The following ARHGAP26 variants were observed in gnomAD, a reference collection of about 807,000 sequenced individuals.
ARHGAP26 encodes the protein rho GTPase-activating protein 26.
Under a neutral mutation model 104.8 loss-of-function variants are expected in ARHGAP26, and 38 were observed. That is an observed-to-expected ratio of 0.36 (90% CI 0.28 to 0.48). The LOEUF (loss-of-function observed/expected upper bound fraction) is 0.48, where lower values mean the gene tolerates loss of function less well. ARHGAP26 is among the 20% of genes least tolerant of loss of function. ARHGAP26 has a pLI of 0.99. For missense variants in ARHGAP26, 704 were observed against 947.9 expected (o/e 0.74, Z 3.38); for synonymous variants, 341 against 340.0 (o/e 1.00, Z -0.03).
In ARHGAP26 at chr5:142,918,389, C is replaced by T. The variant is rs186622750; in HGVS notation, c.1028+5096C>T. On this transcript the variant is annotated intron_variant, in intron 10 of 22. Coordinates refer to ENST00000645722, the MANE Select transcript of ARHGAP26 (RefSeq NM_001135608.3). Reference sequence around the variant, plus strand: ...ATCAATCTCCTGACCTCAGGTGATCCGCCTGCCTCGGCCTCCCGAAGTGCT... The same window carrying T: ...ATCAATCTCCTGACCTCAGGTGATCTGCCTGCCTCGGCCTCCCGAAGTGCT... 4.9e-3 allele frequency among the ~76,000 whole-genome samples: 753 copies of T among 152,304 alleles called. 12 individuals carry two copies. Among genetic ancestry groups the T allele is most frequent in the African/African-American group, 0.016 (684 of 41,558 alleles).
chr5:142,993,290 C>T (rs1289179261), intron 11 of ARHGAP26, among the ~76,000 whole-genome samples: 2 of 151,856 alleles, frequency 1.3e-5, no homozygotes, highest in African/African-American at 4.8e-5. Flanking sequence ...CTGCCTCAGC[C>T]TCCCGAGTAG....
At chr5:143,124,596 G>A (rs1206488046) in intron 18 of ARHGAP26, among the ~76,000 whole-genome samples, 1 of 152,188 alleles carries the variant, frequency 6.6e-6, no homozygotes, top group African/African-American at 2.4e-5. Flanking sequence ...CTTTCCAGGT[G>A]CTGTCCCATC....
At chr5:142,986,056 G>C (rs1323287717) in intron 11 of ARHGAP26, among the ~76,000 whole-genome samples, 1 of 152,162 alleles carries the variant, frequency 6.6e-6, no homozygotes, top group Non-Finnish European at 1.5e-5. Flanking sequence ...GGTATTTCTA[G>C]TTCTAGATCC....
chr5:142,991,543 C>G (rs1285446735), intron 11 of ARHGAP26, among the ~76,000 whole-genome samples: 1 of 152,202 alleles, frequency 6.6e-6, no homozygotes, highest in Non-Finnish European at 1.5e-5. Flanking sequence ...GCGTCACTCA[C>G]ACTGGGAGCT....
At chr5:142,948,827 G>A (rs890693055) in intron 11 of ARHGAP26, among the ~76,000 whole-genome samples, 5 of 151,880 alleles carry the variant, frequency 3.3e-5, no homozygotes, top group African/African-American at 9.7e-5. Context: ...TAAACAGGTC[G>A]GGTACGGTGA....
intron 17 of ARHGAP26, among the ~76,000 whole-genome samples, chr5:143,071,777 G>A (rs556206204): frequency 9.9e-5 from 15 of 151,978 alleles, no homozygotes; most frequent in South Asian, 2.1e-4. Flanking sequence ...GGTGGCATGC[G>A]CCTGTAATCC....
intron 20 of ARHGAP26, among the ~76,000 whole-genome samples, chr5:143,182,430 A>G (rs1220737057): frequency 5.9e-5 from 9 of 152,194 alleles, no homozygotes; most frequent in Non-Finnish European, 1.3e-4. Context: ...ACTAAGCTCC[A>G]TGAGAGTAAG....
intron 11 of ARHGAP26, among the ~76,000 whole-genome samples, chr5:143,001,396 A>T (rs1777173194): frequency 6.6e-6 from 1 of 152,250 alleles, no homozygotes; most frequent in Non-Finnish European, 1.5e-5. Context: ...AAAAGTGCTG[A>T]TATCTGCAAC....
intron 1 of ARHGAP26, among the ~76,000 whole-genome samples, chr5:142,827,138 A>AT (rs1283598128): frequency 6.8e-6 from 1 of 146,134 alleles, no homozygotes. Flanking sequence ...TTTCTACCCT[A>AT]TTTTTTTTCT....
intron 11 of ARHGAP26, among the ~76,000 whole-genome samples, chr5:142,950,947 C>T (rs929337407): frequency 2.7e-5 from 4 of 150,600 alleles, no homozygotes; most frequent in African/African-American, 4.9e-5. Flanking sequence ...AGAATAAGAC[C>T]TTTCCCTTTC....
At chr5:143,028,051 A>G (rs1248913570) in intron 12 of ARHGAP26, among the ~76,000 whole-genome samples, 1 of 152,220 alleles carries the variant, frequency 6.6e-6, no homozygotes, top group Non-Finnish European at 1.5e-5. Context: ...GAAGAGGATG[A>G]GCCCAAGAGT....
Position 143,012,548 on chromosome 5 carries a change from C to CATATATACATATATATATATATAT in ARHGAP26, c.1108-1529_1108-1528insTATACATATATATATATATATATA, listed in dbSNP as rs1414408846. Among the ~76,000 whole-genome samples, 3 of 23,352 alleles carry CATATATACATATATATATATATAT rather than the reference C, an allele frequency of 1.3e-4. 1 individual carries two copies. The highest frequency in any genetic ancestry group is 3.2e-4 in the Non-Finnish European group (3 of 9,422). 15.3% of individuals were successfully genotyped at this position (23,352 alleles called of 152,430 possible). A position where few individuals can be genotyped will look rare whatever the true frequency, so the allele number is the denominator to read the frequency against. On this transcript the variant is annotated intron_variant, in intron 11 of 22. Transcript: ENST00000645722. ...CTGGAGGGATATATTTATATACATACATACATATATATATATATATATATA... is the reference window on the plus strand; with the variant it reads ...CTGGAGGGATATATTTATATACATACATATATACATATATATATATATATATACATATATATATATATATATATA...
chr5:142,801,105 T>C (rs1471550983), intron 1 of ARHGAP26, among the ~76,000 whole-genome samples: 2 of 152,210 alleles, frequency 1.3e-5, no homozygotes, highest in Non-Finnish European at 2.9e-5. Context: ...TATGTGGTTT[T>C]AGTTGGTTGG....
rs1488708512 is a variant in ARHGAP26 at position 142,770,896 on chromosome 5, A to G, written c.135A>G (p.Ser45=). The G allele has an allele frequency of 6.2e-7, 1 of 1,610,634 alleles. No homozygotes were observed. Among genetic ancestry groups the G allele is most frequent in the Non-Finnish European group, 8.5e-7 (1 of 1,178,260 alleles). The change falls in exon 1 of 23, where the codon TCA becomes TCG. Residue 45 remains serine, a synonymous_variant. Transcript: ENST00000645722. The part of the protein sequence containing the change: ...FIKELIKDGK[S]LISALKNLSS... ...AGGAGCTCATCAAGGACGGGAAGTCACTCATAAGCGCGCTCAAGAGTGAGT... is the reference window on the plus strand; with the variant it reads ...AGGAGCTCATCAAGGACGGGAAGTCGCTCATAAGCGCGCTCAAGAGTGAGT...
intron 18 of ARHGAP26, among the ~76,000 whole-genome samples, chr5:143,125,964 A>G (rs1796680918): frequency 6.6e-6 from 1 of 152,180 alleles, no homozygotes; most frequent in South Asian, 2.1e-4. Flanking sequence ...ATTAAAATCT[A>G]CTCTAGTTAA....
chr5:142,849,307 C>T (rs1751060441), intron 1 of ARHGAP26, among the ~76,000 whole-genome samples: 1 of 152,208 alleles, frequency 6.6e-6, no homozygotes, highest in Non-Finnish European at 1.5e-5. Flanking sequence ...ACCAAAAAGA[C>T]CCAAGACTTC....
chr5:142,826,488 T>C (rs564435651), intron 1 of ARHGAP26, among the ~76,000 whole-genome samples: 1 of 152,376 alleles, frequency 6.6e-6, no homozygotes, highest in Admixed American at 6.5e-5. Context: ...TGGATAGCCA[T>C]TTATTGAATT....
chr5:142,906,683 T>G (rs540844535), intron 8 of ARHGAP26, among the ~76,000 whole-genome samples: 1 of 152,366 alleles, frequency 6.6e-6, no homozygotes, highest in South Asian at 2.1e-4. Flanking sequence ...GTTCAATTAC[T>G]GGAATTTTTT....
chr5:143,176,283 T>C lies in ARHGAP26; in HGVS notation c.1988+28902T>C, dbSNP rs567894235. Among the ~76,000 whole-genome samples the C allele has an allele frequency of 5.4e-3, 825 of 152,318 alleles. 5 individuals carry two copies. Among genetic ancestry groups the C allele is most frequent in the Non-Finnish European group, 7.6e-3 (516 of 68,030 alleles). On this transcript the variant is annotated intron_variant, in intron 20 of 22. Transcript: ENST00000645722. The stretch of plus-strand genomic sequence containing the variant: ...GTGAGCCATCTGCTGCTCAGCAGAC[T>C]GCATAAGAGACTTGCCAGCCACTTC...
Sources: allele counts gnomAD v4.1 joint callset (sites outside exome capture counted in the v4.1 genomes callset), GRCh38; gene constraint gnomAD v4.1.1; transcripts MANE v1.5; gene names NCBI Gene and HGNC (gene_info 2026-07-23, HGNC 2026-07-21).